Variants in TIAM1 observed in about 807,000 individuals in gnomAD.
The protein encoded by TIAM1 is TIAM Rac1 associated GEF 1.
A neutral mutation model predicts 163.5 loss-of-function variants in TIAM1; 65 were observed. That is an observed-to-expected ratio of 0.40 (90% CI 0.33 to 0.49). The LOEUF (loss-of-function observed/expected upper bound fraction) is 0.49, where lower values mean the gene tolerates loss of function less well. Among genes scored for constraint, TIAM1 ranks in the 20% least tolerant of loss-of-function variants. The pLI, the probability that TIAM1 is intolerant of heterozygous loss-of-function variation, is 0.77. For synonymous variants in TIAM1, 833 were observed against 810.1 expected (o/e 1.03, Z -0.48); for missense variants, 1,789 against 2,044.7 (o/e 0.87, Z 2.41).
chr21:31,425,615 TTCCC>T (rs149872196), intron 2 of TIAM1, among the ~76,000 whole-genome samples: 9,992 of 133,018 alleles, frequency 0.075, 625 homozygotes, highest in African/African-American at 0.15. Flanking sequence ...TTTATTTCAA[TTCCC>T]TCCCTCCCTC....
At chr21:31,275,821 C>T (rs2073273625) in intron 3 of TIAM1, among the ~76,000 whole-genome samples, 4 of 152,126 alleles carry the variant, frequency 2.6e-5, no homozygotes, top group Admixed American at 2.6e-4. Context: ...ACTGTGAAAG[C>T]AAGGTTTCTC....
At chr21:31,501,204 G>A (rs1237042125) in intron 1 of TIAM1, among the ~76,000 whole-genome samples, 1 of 152,128 alleles carries the variant, frequency 6.6e-6, no homozygotes, top group Non-Finnish European at 1.5e-5. Flanking sequence ...AGAAGGTCAG[G>A]ACCACACATT....
At position 31,118,944 on chromosome 21, in the gene TIAM1, A is replaced by G. The variant is rs996076751; in HGVS notation, c.*1424T>C. The G allele has an allele frequency of 7.1e-5, 15 of 211,794 alleles. No individual in the cohort carries two copies. Among genetic ancestry groups the G allele is most frequent in the African/African-American group, 2.4e-4 (10 of 42,380 alleles). 13.1% of individuals were successfully genotyped at this position (211,794 alleles called of 1,614,324 possible). A position where few individuals can be genotyped will look rare whatever the true frequency, so the allele number is the denominator to read the frequency against. On this transcript the variant is annotated 3_prime_UTR_variant, in exon 28 of 28. Transcript: ENST00000541036. The stretch of plus-strand genomic sequence containing the variant: ...GTCATAACTGATTTTTATAAAATAT[A>G]ACTCCTAAAGCTACTATAAAATTCA...
intron 5 of TIAM1, 74 bp downstream of exon 5, chr21:31,251,668 T>C (rs926305356): frequency 4.9e-6 from 7 of 1,426,652 alleles, no homozygotes; most frequent in Admixed American, 2.3e-5. Context: ...AACCCACCCA[T>C]CCCGTGAGTA....
intron 16 of TIAM1, among the ~76,000 whole-genome samples, chr21:31,162,566 T>C (rs546951844): frequency 6.6e-6 from 1 of 152,020 alleles, no homozygotes; most frequent in African/African-American, 2.4e-5. Context: ...CAGAATGAAA[T>C]ACGAACTTAT....
intron 2 of TIAM1, among the ~76,000 whole-genome samples, chr21:31,380,259 A>C (rs1301254797): frequency 6.6e-6 from 1 of 152,188 alleles, no homozygotes; most frequent in Non-Finnish European, 1.5e-5. Context: ...CTTTGTCTCA[A>C]ACAATAAATG....
At chr21:31,361,874 T>C (rs1333064325) in intron 2 of TIAM1, among the ~76,000 whole-genome samples, 1 of 151,290 alleles carries the variant, frequency 6.6e-6, no homozygotes, top group African/African-American at 2.4e-5. Flanking sequence ...GATAGATAGA[T>C]AGATAGACAG....
At chr21:31,151,439 C>T (rs141464380) in intron 19 of TIAM1, among the ~76,000 whole-genome samples, 33 of 152,296 alleles carry the variant, frequency 2.2e-4, no homozygotes, top group Middle Eastern at 3.4e-3. Context: ...AGTACAACTA[C>T]GCTGAGTGGA....
intron 2 of TIAM1, among the ~76,000 whole-genome samples, chr21:31,396,745 C>T (rs1176953309): frequency 2.6e-5 from 4 of 151,748 alleles, no homozygotes; most frequent in African/African-American, 9.7e-5. Context: ...AGGTCAGGAG[C>T]TCAAGACCAG....
intron 3 of TIAM1, among the ~76,000 whole-genome samples, chr21:31,269,021 T>C (rs2072926420): frequency 6.6e-6 from 1 of 152,202 alleles, no homozygotes; most frequent in East Asian, 1.9e-4. Flanking sequence ...AGGAAATAAA[T>C]TGAGTAAAAG....
Position 31,245,513 on chromosome 21 carries a change from G to T in TIAM1, c.1559C>A (p.Ser520Tyr). 4 of 1,535,764 alleles carry T rather than the reference G, an allele frequency of 2.6e-6. No homozygotes were observed. The highest frequency in any genetic ancestry group is 3.5e-6 in the Non-Finnish European group (4 of 1,137,346). Residue 520 changes from serine (S) to tyrosine (Y), a missense_variant, in exon 6 of 28, where the codon TCC (serine) becomes TAC (tyrosine). This residue lies in a region of TIAM1 where 456 missense variants were observed against 586.6 expected (regional missense o/e 0.78). Transcript: ENST00000541036. ...CTGAAAAAGGAAGGCATCACCCAGG[G>T]AATTGCTGAGGCAGAAGACAAAGTC... ...KKDFVFCLSN[S>Y]LGDAFLFQTT...
At chr21:31,488,831 A>G (rs2046360603) in intron 1 of TIAM1, among the ~76,000 whole-genome samples, 1 of 152,098 alleles carries the variant, frequency 6.6e-6, no homozygotes, top group Admixed American at 6.6e-5. Flanking sequence ...GGAGAGGAGG[A>G]AAGAGGAGAA....
intron 1 of TIAM1, among the ~76,000 whole-genome samples, chr21:31,551,430 A>G (rs778132465): frequency 9.4e-4 from 142 of 151,822 alleles, no homozygotes; most frequent in Non-Finnish European, 1.3e-3. Context: ...AAAAGAAAAG[A>G]AAAAGAAAGA....
rs529571351 is a variant in TIAM1 at position 31,184,199 on chromosome 21, C to T, written c.2663-1554G>A. Among the ~76,000 whole-genome samples, 3 of 151,020 alleles carry T rather than the reference C, an allele frequency of 2.0e-5. No homozygotes were observed. In the South Asian group the frequency reaches 6.3e-4, roughly 32 times the overall value. On this transcript the variant is annotated intron_variant, in intron 14 of 27. Coordinates refer to ENST00000541036, the MANE Select transcript of TIAM1 (RefSeq NM_001353694.2). ...CAGTTCACTGCAACCTCTGCCTCCC[C>T]GGTTCGAGTGATTCTCCTGCCTCAG...
chr21:31,215,898 C>T (rs185933202), intron 9 of TIAM1, among the ~76,000 whole-genome samples: 2 of 152,208 alleles, frequency 1.3e-5, no homozygotes, highest in Admixed American at 6.5e-5. Flanking sequence ...CGGTGGCCCA[C>T]GTCTATAATC....
intron 1 of TIAM1, among the ~76,000 whole-genome samples, chr21:31,514,853 G>C (rs577383608): frequency 6.6e-6 from 1 of 152,226 alleles, no homozygotes; most frequent in African/African-American, 2.4e-5. Context: ...GCAGCCCGCA[G>C]CTGGGTGGAA....
chr21:31,269,667 G>GTT (rs1383457242), intron 3 of TIAM1, among the ~76,000 whole-genome samples: 3,474 of 129,902 alleles, frequency 0.027, 109 homozygotes, highest in African/African-American at 0.094. Flanking sequence ...CTTTAAGTTT[G>GTT]TTTGTTTTTT....
chr21:31,452,839 T>C (rs746235787), intron 2 of TIAM1: 1 of 527,960 alleles, frequency 1.9e-6, no homozygotes, highest in Admixed American at 2.0e-5. Flanking sequence ...GACCCTACGA[T>C]AGTCAAAGAC....
intron 2 of TIAM1, among the ~76,000 whole-genome samples, chr21:31,373,054 T>TAAAAA (rs2076624558): frequency 1.3e-5 from 1 of 75,762 alleles, no homozygotes; most frequent in African/African-American, 6.8e-5. Flanking sequence ...AAACTCTGTC[T>TAAAAA]CAAAAAAAAA....
Sources: gnomAD v4.1 joint callset for allele counts (sites outside exome capture counted in the v4.1 genomes callset) on GRCh38, gnomAD v4.1.1 for gene constraint, gnomAD v4.1.1 regional missense constraint, MANE v1.5 for transcripts, NCBI Gene and HGNC (gene_info 2026-07-23, HGNC 2026-07-21) for gene names.